MAF: variants seen among roughly 807,000 people sequenced by gnomAD.
The protein encoded by MAF is MAF bZIP transcription factor.
MAF carries 10 observed loss-of-function variants against 22.0 expected under a neutral mutation model. That is an observed-to-expected ratio of 0.45 (90% CI 0.28 to 0.77). The LOEUF (loss-of-function observed/expected upper bound fraction) is 0.77. Among genes scored for constraint, MAF ranks in the 30% least tolerant of loss-of-function variants. MAF has a pLI of 0.12. For missense variants in MAF, 544 were observed against 548.4 expected, an observed-to-expected ratio of 0.99 and a Z score of 0.08; for synonymous variants, 337 against 255.8, an observed-to-expected ratio of 1.32 and a Z score of -3.03.
chr16:79,354,269 G>A, the MAF span, among the ~76,000 whole-genome samples: 15 of 152,150 alleles, frequency 9.9e-5, no homozygotes, highest in Non-Finnish European at 2.2e-4. Flanking sequence ...TGGGATTACA[G>A]ACATGAGCCA....
chr16:79,438,363 G>C, the MAF span, among the ~76,000 whole-genome samples: 2 of 152,196 alleles, frequency 1.3e-5, no homozygotes, highest in South Asian at 2.1e-4. Context: ...TGGCTCTTAG[G>C]CTTCGCCACA....
chr16:79,402,587 G>C, the MAF span, among the ~76,000 whole-genome samples: 1 of 152,220 alleles, frequency 6.6e-6, no homozygotes. Flanking sequence ...CTGGCGTGCA[G>C]GCTGAGGCCA....
downstream of MAF, among the ~76,000 whole-genome samples, chr16:79,592,788 A>C (rs1434876243): frequency 6.6e-6 from 1 of 152,366 alleles, no homozygotes; most frequent in East Asian, 1.9e-4. Context: ...AAAAAAAACC[A>C]AACAAACAAA....
chr16:79,487,494 T>C, the MAF span, among the ~76,000 whole-genome samples: 1 of 152,148 alleles, frequency 6.6e-6, no homozygotes, highest in Non-Finnish European at 1.5e-5. Flanking sequence ...TAAAAGAACC[T>C]AAATGATTGA....
At chr16:79,320,624 A>G in the MAF span, among the ~76,000 whole-genome samples, 1 of 152,288 alleles carries the variant, frequency 6.6e-6, no homozygotes, top group Middle Eastern at 3.4e-3. Flanking sequence ...TCCTTCACTA[A>G]TGGTGTGGCT....
the MAF span, among the ~76,000 whole-genome samples, chr16:79,491,058 C>A: frequency 2.0e-5 from 3 of 152,070 alleles, no homozygotes; most frequent in Non-Finnish European, 4.4e-5. Context: ...CACAGATAGT[C>A]TGAATTCCGA....
the MAF span, chr16:79,505,529 T>G: frequency 1.3e-5 from 2 of 152,230 alleles, no homozygotes; most frequent in Non-Finnish European, 2.9e-5. Context: ...CGGAAGCTCT[T>G]GCTTCCTGTC....
At chr16:79,414,098 T>C in the MAF span, among the ~76,000 whole-genome samples, 7 of 152,186 alleles carry the variant, frequency 4.6e-5, no homozygotes, top group Admixed American at 3.3e-4. Context: ...TGAGGGTGTA[T>C]ACCTCATACA....
chr16:79,343,789 G>C, the MAF span, among the ~76,000 whole-genome samples: 1 of 152,100 alleles, frequency 6.6e-6, no homozygotes, highest in Admixed American at 6.6e-5. Flanking sequence ...TTGGCAACAG[G>C]TCTGAAAATT....
chr16:79,582,744 T>C (rs921950374), downstream of MAF, among the ~76,000 whole-genome samples: 1 of 152,210 alleles, frequency 6.6e-6, no homozygotes, highest in African/African-American at 2.4e-5. Flanking sequence ...AACAGATATA[T>C]TGATGTAATT....
chr16:79,354,643 C>T, the MAF span, among the ~76,000 whole-genome samples: 2 of 152,174 alleles, frequency 1.3e-5, no homozygotes, highest in African/African-American at 4.8e-5. Flanking sequence ...GGGATTGGTA[C>T]TGGGTGATAG....
chr16:79,395,814 G>A, the MAF span, among the ~76,000 whole-genome samples: 1 of 152,176 alleles, frequency 6.6e-6, no homozygotes, highest in Non-Finnish European at 1.5e-5. Flanking sequence ...GCAGTAAGAG[G>A]GAACTCAAAC....
At chr16:79,226,461 G>A in the MAF span, among the ~76,000 whole-genome samples, 1 of 151,988 alleles carries the variant, frequency 6.6e-6, no homozygotes, top group East Asian at 1.9e-4. Flanking sequence ...AAACCACCAT[G>A]GCATGTGTAT....
At chr16:79,275,863 A>T in the MAF span, among the ~76,000 whole-genome samples, 17 of 152,074 alleles carry the variant, frequency 1.1e-4, no homozygotes, top group African/African-American at 3.6e-4. Context: ...CAGGCCAGGC[A>T]GGGTGCGGGG....
At chr16:79,496,677 A>G in the MAF span, among the ~76,000 whole-genome samples, 2 of 152,222 alleles carry the variant, frequency 1.3e-5, no homozygotes, top group Non-Finnish European at 2.9e-5. Flanking sequence ...TCTCTTCATA[A>G]TGCAGATGGC....
At chr16:79,264,798 C>CCA in the MAF span, among the ~76,000 whole-genome samples, 11 of 152,312 alleles carry the variant, frequency 7.2e-5, no homozygotes, top group Non-Finnish European at 1.3e-4. Flanking sequence ...TCCCATGGAT[C>CCA]TGAAGCTCCA....
At chr16:79,587,411 C>A (rs1912912735) in intron 1 of MAF, among the ~76,000 whole-genome samples, 1 of 150,186 alleles carries the variant, frequency 6.7e-6, no homozygotes, top group South Asian at 2.1e-4. Context: ...TAAAAAAAAA[C>A]TTCCCCGATA....
chr16:79,226,720 T>A, the MAF span, among the ~76,000 whole-genome samples: 1 of 152,056 alleles, frequency 6.6e-6, no homozygotes, highest in African/African-American at 2.4e-5. Flanking sequence ...GGATGACATT[T>A]TTTTCTTAGG....
chr16:79,295,243 TAAAAG>T, the MAF span, among the ~76,000 whole-genome samples: 1 of 152,130 alleles, frequency 6.6e-6, no homozygotes, highest in Non-Finnish European at 1.5e-5. Context: ...AGGGGAATGA[TAAAAG>T]AAAAATTTCA....
Sources: gnomAD v4.1 joint callset for allele counts (sites outside exome capture counted in the v4.1 genomes callset) on GRCh38, gnomAD v4.1.1 for gene constraint, MANE v1.5 for transcripts, NCBI Gene and HGNC (gene_info 2026-07-23, HGNC 2026-07-21) for gene names.